ACLY: variants seen among roughly 807,000 people sequenced by gnomAD.
The protein encoded by ACLY is ATP citrate lyase.
A neutral mutation model predicts 133.0 loss-of-function variants in ACLY; 41 were observed. That is an observed-to-expected ratio of 0.31 (90% CI 0.24 to 0.40). ACLY has a LOEUF of 0.40. Ranked by LOEUF, ACLY falls within the 10% of genes least tolerant of loss-of-function variation. The probability of loss-of-function intolerance (pLI) is 1.00; values close to 1 mark genes in which losing one functional copy is unlikely to be tolerated. For synonymous variants in ACLY, 495 were observed against 549.3 expected, an observed-to-expected ratio of 0.90 and a Z score of 1.38; for missense variants, 1,046 against 1,453.8, an observed-to-expected ratio of 0.72 and a Z score of 4.56.
chr17:41,873,788 A>ACAGGCCCTCC, intron 23 of ACLY, 23 bp downstream of exon 23: 2 of 1,533,626 alleles, frequency 1.3e-6, no homozygotes. Flanking sequence ...AGGGCCCTGT[A>ACAGGCCCTCC]ATCTTCTGCC....
At chr17:41,876,530 A>T (rs577913349) in intron 22 of ACLY, among the ~76,000 whole-genome samples, 7 of 152,358 alleles carry the variant, frequency 4.6e-5, no homozygotes, top group African/African-American at 1.7e-4. Context: ...GTGTAGAAAG[A>T]AGTAGACATG....
chr17:41,878,293 G>A, intron 21 of ACLY, 97 bp from the exon 22 acceptor site: 1 of 767,366 alleles, frequency 1.3e-6, no homozygotes, highest in Admixed American at 3.7e-5. Context: ...AAACACTGTA[G>A]GTTTCTTAGT....
chr17:41,904,575 T>C, intron 10 of ACLY, 154 bp downstream of exon 10: 1 of 668,864 alleles, frequency 1.5e-6, no homozygotes, highest in Non-Finnish European at 2.6e-6. Context: ...CAGTGTCTTC[T>C]CCACCCCTTT....
Position 41,909,072 on chromosome 17 carries a change from G to C in ACLY, c.537-4C>G. 1 of 1,609,776 alleles carries C rather than the reference G, an allele frequency of 6.2e-7. No individual in the cohort carries two copies. Among genetic ancestry groups the C allele is most frequent in the East Asian group, 2.2e-5 (1 of 44,842 alleles). ...GGAGATAAAACTGGCCAGAATTCTA[G>C]AGGTGGGAGGGAGAGAGGGACAGTT... is the stretch of plus-strand genomic sequence containing the variant. On this transcript the variant is annotated splice_region_variant and splice_polypyrimidine_tract_variant and intron_variant, in intron 5 of 28. Transcript: ENST00000352035.
chr17:41,873,834 G>T lies in ACLY; in HGVS notation c.2619C>A (p.Leu873=). Residue 873 remains leucine (L), a synonymous_variant, in exon 23 of 29, where the codon CTC becomes CTA. Coordinates refer to ENST00000352035, the MANE Select transcript of ACLY (RefSeq NM_001096.3). The part of the protein sequence containing the change: ...FKEEMGIGGV[L]GLLWFQKRLP... The stretch of plus-strand genomic sequence containing the variant: ...ACCTTTTCTGGAACCAGAGGAGGCC[G>T]AGGACCCCGCCAATGCCCATCTCTT... 6.3e-7 allele frequency: 1 copy of T among 1,583,522 alleles called. No individual in the cohort carries two copies. The highest frequency in any genetic ancestry group is 8.6e-7 in the Non-Finnish European group (1 of 1,158,534).
chr17:41,906,504 C>A (rs782624035), intron 8 of ACLY, 24 bp downstream of exon 8: 3 of 1,601,140 alleles, frequency 1.9e-6, no homozygotes, highest in South Asian at 2.2e-5. Flanking sequence ...GGCTGGCATC[C>A]CTTCAGCAAC....
chr17:41,889,444 G>A (rs899407649), intron 16 of ACLY, among the ~76,000 whole-genome samples: 5 of 147,224 alleles, frequency 3.4e-5, no homozygotes, highest in African/African-American at 7.5e-5. Flanking sequence ...GCTTGAACCC[G>A]GGAGGTGGAG....
At chr17:41,926,217 T>C (rs1469661160) in intron 1 of ACLY, among the ~76,000 whole-genome samples, 1 of 152,162 alleles carries the variant, frequency 6.6e-6, no homozygotes, top group Non-Finnish European at 1.5e-5. Flanking sequence ...ATGAGGAACA[T>C]AGCTATAAAT....
chr17:41,910,765 G>A (rs2049879389), intron 3 of ACLY, among the ~76,000 whole-genome samples: 2 of 152,304 alleles, frequency 1.3e-5, no homozygotes, highest in Admixed American at 1.3e-4. Flanking sequence ...AGACTCTCCT[G>A]GCTGAGGACC....
intron 22 of ACLY, among the ~76,000 whole-genome samples, chr17:41,875,410 C>T (rs1412403109): frequency 1.3e-5 from 2 of 149,270 alleles, no homozygotes; most frequent in African/African-American, 4.9e-5. Flanking sequence ...AGCCCCCCTC[C>T]CTCTCCCTCT....
upstream of ACLY, among the ~76,000 whole-genome samples, chr17:41,922,919 C>T (rs1034369656): frequency 4.6e-5 from 7 of 152,342 alleles, no homozygotes; most frequent in Admixed American, 2.0e-4. Context: ...CTGCCCCCAA[C>T]GCCCAGCCTC....
chr17:41,916,319 T>C (rs1419242919), intron 1 of ACLY, among the ~76,000 whole-genome samples: 2 of 151,822 alleles, frequency 1.3e-5, no homozygotes, highest in Admixed American at 6.6e-5. Flanking sequence ...GTGGACTCAG[T>C]AGAGATAAAT....
At chr17:41,929,059 A>G (rs146271835) in intron 1 of ACLY, among the ~76,000 whole-genome samples, 2 of 150,776 alleles carry the variant, frequency 1.3e-5, no homozygotes, top group African/African-American at 4.9e-5. Context: ...CACCCTGTGA[A>G]TGTACACACC....
chr17:41,890,613 G>A (rs1405111522), intron 16 of ACLY, among the ~76,000 whole-genome samples: 6 of 151,924 alleles, frequency 3.9e-5, no homozygotes, highest in Non-Finnish European at 7.4e-5. Context: ...ACTTGAACCC[G>A]GGAGGCGGAG....
At chr17:41,900,240 G>A (rs1307670009) in intron 11 of ACLY, among the ~76,000 whole-genome samples, 3 of 151,576 alleles carry the variant, frequency 2.0e-5, no homozygotes, top group Non-Finnish European at 4.4e-5. Flanking sequence ...GCAGATGCCT[G>A]GAGTCCCAGC....
chr17:41,884,847 C>CA (rs1263782945), intron 18 of ACLY, among the ~76,000 whole-genome samples: 2 of 151,886 alleles, frequency 1.3e-5, no homozygotes, highest in East Asian at 1.9e-4. Context: ...AACAAACAAA[C>CA]AAAAAAAACC....
intron 19 of ACLY, among the ~76,000 whole-genome samples, chr17:41,883,713 T>C (rs950261097): frequency 1.3e-5 from 2 of 150,550 alleles, no homozygotes; most frequent in Non-Finnish European, 1.5e-5. Context: ...GCCTCCCGAG[T>C]GGTTGGGATT....
intron 23 of ACLY, among the ~76,000 whole-genome samples, chr17:41,873,433 G>A (rs1367586716): frequency 1.3e-5 from 2 of 152,000 alleles, no homozygotes; most frequent in African/African-American, 4.8e-5. Flanking sequence ...CACTCACCTC[G>A]GCCTCCCAAA....
chr17:41,871,661 C>G, intron 25 of ACLY, 28 bp downstream of exon 25: 1 of 1,613,480 alleles, frequency 6.2e-7, no homozygotes. Flanking sequence ...GGCCTCCATC[C>G]CACTTTTTTA....
Sources: gnomAD v4.1 joint callset for allele counts (sites outside exome capture counted in the v4.1 genomes callset) on GRCh38, gnomAD v4.1.1 for gene constraint, MANE v1.5 for transcripts, NCBI Gene and HGNC (gene_info 2026-07-23, HGNC 2026-07-21) for gene names.